The following LSS variants were observed in gnomAD, a reference collection of about 807,000 sequenced individuals.
The protein encoded by LSS is 2,3-epoxysqualene-lanosterol cyclase.
In LSS, 90 loss-of-function variants were observed where a neutral mutation model predicts 110.3. The ratio of observed to expected loss-of-function variants is 0.82; its 90% CI spans 0.69 to 0.97. The LOEUF is 0.97. Ranked by LOEUF, LSS falls within the 50% of genes least tolerant of loss-of-function variation. The pLI is 0.00. For missense variants in LSS, 927 were observed against 990.0 expected (o/e 0.94, Z 0.85); for synonymous variants, 433 against 400.0 (o/e 1.08, Z -0.98).
At chr21:46,219,078 C>T (rs985510837) in intron 6 of LSS, among the ~76,000 whole-genome samples, 9 of 152,166 alleles carry the variant, frequency 5.9e-5, no homozygotes, top group Non-Finnish European at 1.0e-4. Flanking sequence ...TGAGGTGTCA[C>T]GTCGGGACAC....
chr21:46,209,732 G>T lies in LSS; in HGVS notation c.1195-107C>A. Reference sequence around the variant, plus strand: ...CACATCCTGCCCCAACCGGGGACCAGAATCAAACCAGCAGACATCTCCAGA... The same window carrying T: ...CACATCCTGCCCCAACCGGGGACCATAATCAAACCAGCAGACATCTCCAGA... On this transcript the variant is annotated intron_variant, in intron 12 of 21. Transcript: ENST00000397728. The surrounding 1 kb of genome is among the most constrained non-coding windows in gnomAD (Gnocchi z 4.4). The T allele has an allele frequency of 3.3e-6, 3 of 900,760 alleles. No homozygotes were observed. The highest frequency in any genetic ancestry group is 5.3e-6 in the Non-Finnish European group (3 of 570,156). The allele number at this position is 900,760 out of a possible 1,614,324, so 55.8% of individuals were successfully genotyped here.
chr21:46,200,228 T>C (rs1396053348), intron 17 of LSS, among the ~76,000 whole-genome samples: 2 of 152,156 alleles, frequency 1.3e-5, no homozygotes, highest in African/African-American at 4.8e-5. Flanking sequence ...AGGAAAAGCT[T>C]TTGGAAGAAC....
At chr21:46,213,657 G>A (rs944815492) in intron 10 of LSS, 81 bp downstream of exon 10, 1 of 1,289,946 alleles carries the variant, frequency 7.8e-7, no homozygotes, top group South Asian at 1.3e-5. Context: ...GGCACCGTGG[G>A]GGCCCCCTCA....
At chr21:46,223,808 C>T (rs1195849632) in intron 3 of LSS, among the ~76,000 whole-genome samples, 2 of 152,200 alleles carry the variant, frequency 1.3e-5, no homozygotes, top group South Asian at 4.1e-4. Flanking sequence ...AGCAAAAGGG[C>T]TCCTTGGTCT....
chr21:46,221,341 T>C (rs577287173), intron 5 of LSS, among the ~76,000 whole-genome samples: 4 of 122,770 alleles, frequency 3.3e-5, no homozygotes, highest in African/African-American at 1.3e-4. Context: ...CAGAATTACC[T>C]GGTTGTCTTA....
At position 46,219,264 on chromosome 21, in the gene LSS, G is replaced by A. The variant is rs544223320; in HGVS notation, c.647+212C>T. ...TCGGGGTACCTCCATCCATGGCACA[G>A]CCTTCTTCCTGCTCAATTGGGAACC... is the stretch of plus-strand genomic sequence containing the variant. On this transcript the variant is annotated intron_variant, in intron 6 of 21. Transcript: ENST00000397728. Among the ~76,000 whole-genome samples, 3 of 152,278 alleles carry A rather than the reference G, an allele frequency of 2.0e-5. No individual in the cohort carries two copies. The South Asian group carries it at 6.2e-4, about 32-fold the overall frequency.
chr21:46,207,234 G>A (rs898410318), intron 15 of LSS, among the ~76,000 whole-genome samples, 194 bp downstream of exon 15: 1 of 152,230 alleles, frequency 6.6e-6, no homozygotes, highest in East Asian at 1.9e-4. Flanking sequence ...AGGGCCCTGT[G>A]CACACAGCCC....
In LSS at chr21:46,191,251, G is replaced by A. The variant is rs1359553706; in HGVS notation, c.2068-16C>T. ...CAATGTTTTCCTAAAAGAACACAGA[G>A]AAATAAACACAAAGGCTTCACCAGT... is the stretch of plus-strand genomic sequence containing the variant. On this transcript the variant is annotated splice_polypyrimidine_tract_variant and intron_variant, in intron 21 of 21. Coordinates refer to ENST00000397728, the MANE Select transcript of LSS (RefSeq NM_002340.6). 1 of 1,613,946 alleles carries A rather than the reference G, an allele frequency of 6.2e-7. No homozygotes were observed. The highest frequency in any genetic ancestry group is 2.2e-5 in the East Asian group (1 of 44,880).
At chr21:46,222,485 C>A in intron 4 of LSS, 145 bp downstream of exon 4, 3 of 661,094 alleles carry the variant, frequency 4.5e-6, no homozygotes, top group Non-Finnish European at 7.7e-6. Flanking sequence ...CCACTCCCCG[C>A]CTGCTAGTCT....
Position 46,190,355 on chromosome 21 carries a change from G to GGCATGGGGCTCCCT in LSS, c.*735_*748dup, listed in dbSNP as rs201035928. On this transcript the variant is annotated 3_prime_UTR_variant, in exon 22 of 22. Transcript: ENST00000397728. The surrounding 1 kb of genome is among the most constrained non-coding windows in gnomAD (Gnocchi z 4.6). ...CACGCAGGTGGGTTCATGTCCCAGG[G>GGCATGGGGCTCCCT]GCATGGGGCTCCCTGCTGCACAGAC... is the stretch of plus-strand genomic sequence containing the variant. 6,057 of 157,524 alleles carry GGCATGGGGCTCCCT rather than the reference G, an allele frequency of 0.038. 218 individuals are homozygous for GGCATGGGGCTCCCT. Among genetic ancestry groups the GGCATGGGGCTCCCT allele is most frequent in the Non-Finnish European group, 0.06 (4,287 of 71,750 alleles). 9.8% of individuals were successfully genotyped at this position (157,524 alleles called of 1,614,324 possible).
intron 11 of LSS, 110 bp downstream of exon 11, chr21:46,212,915 G>T: frequency 2.2e-6 from 3 of 1,351,464 alleles, no homozygotes; most frequent in Non-Finnish European, 3.1e-6. Context: ...CTAGTCGCAC[G>T]CTGCCGGGAC....
rs947254204 is a variant in LSS at position 46,189,892 on chromosome 21, C to G, written c.*1212G>C. On this transcript the variant is annotated 3_prime_UTR_variant, in exon 22 of 22. Transcript: ENST00000397728. ...GAGCATGTGAGCTGCTCATCCACATCAGGCAAAGGCAAAGCCAGGACCTGA... is the reference window on the plus strand; with the variant it reads ...GAGCATGTGAGCTGCTCATCCACATGAGGCAAAGGCAAAGCCAGGACCTGA... 10 of 358,332 alleles carry G rather than the reference C, an allele frequency of 2.8e-5. No individual in the cohort carries two copies. In the Admixed American group the frequency reaches 3.3e-4, roughly 12 times the overall value. The allele number at this position is 358,332 out of a possible 1,614,324, so 22.2% of individuals were successfully genotyped here. A position where few individuals can be genotyped will look rare whatever the true frequency, so the allele number is the denominator to read the frequency against.
chr21:46,196,803 C>CCCAGG (rs2079915468), intron 17 of LSS, among the ~76,000 whole-genome samples: 1 of 152,218 alleles, frequency 6.6e-6, no homozygotes, highest in African/African-American at 2.4e-5. Context: ...GGACCGAGGT[C>CCCAGG]TGTGTGACCG....
At chr21:46,197,378 A>G (rs1473385710) in intron 17 of LSS, among the ~76,000 whole-genome samples, 1 of 152,242 alleles carries the variant, frequency 6.6e-6, no homozygotes, top group Non-Finnish European at 1.5e-5. Context: ...GTCAAAATGT[A>G]AACTTTTCCC....
At chr21:46,196,295 A>G (rs763648373) in intron 17 of LSS, 28 bp from the exon 18 acceptor site, 3 of 1,600,426 alleles carry the variant, frequency 1.9e-6, no homozygotes, top group East Asian at 2.2e-5. Context: ...TCCAGTGAAC[A>G]TTCTGGTAAA....
chr21:46,224,531 C>G (rs1227429037), intron 3 of LSS: 1 of 152,248 alleles, frequency 6.6e-6, no homozygotes, highest in Non-Finnish European at 1.5e-5. Context: ...AGACAGCGCA[C>G]AGGGTCACAT....
chr21:46,227,548 C>T lies in LSS; in HGVS notation c.319+4G>A, dbSNP rs1271478185. Reference sequence around the variant, plus strand: ...ACCATCAGGCTGGGGCAGCATACTCCTACCTGGCAGGAGGAAAAGTGGGCC... The same window carrying T: ...ACCATCAGGCTGGGGCAGCATACTCTTACCTGGCAGGAGGAAAAGTGGGCC... On this transcript the variant is annotated splice_donor_region_variant and intron_variant, in intron 3 of 21. Coordinates refer to ENST00000397728, the MANE Select transcript of LSS (RefSeq NM_002340.6). 2 of 1,613,854 alleles carry T rather than the reference C, an allele frequency of 1.2e-6. No individual in the cohort carries two copies. The highest frequency in any genetic ancestry group is 1.7e-6 in the Non-Finnish European group (2 of 1,179,978).
At chr21:46,207,631 A>T in intron 14 of LSS, 54 bp from the exon 15 acceptor site, 1 of 1,574,846 alleles carries the variant, frequency 6.3e-7, no homozygotes, top group Non-Finnish European at 8.6e-7. Context: ...CCCAGTTCTC[A>T]GAACCTCCCC....
At chr21:46,217,566 G>A (rs1362915023) in intron 6 of LSS, among the ~76,000 whole-genome samples, 2 of 151,964 alleles carry the variant, frequency 1.3e-5, no homozygotes, top group African/African-American at 4.8e-5. Context: ...CTCACATTTT[G>A]GGTTACACTT....
Sources: gnomAD v4.1 joint callset for allele counts (sites outside exome capture counted in the v4.1 genomes callset) on GRCh38, gnomAD v4.1.1 for gene constraint, Gnocchi (gnomAD v3.1) non-coding constraint, MANE v1.5 for transcripts, NCBI Gene and HGNC (gene_info 2026-07-23, HGNC 2026-07-21) for gene names.